The following LDLRAD3 variants were observed in gnomAD, a reference collection of about 807,000 sequenced individuals.
The protein encoded by LDLRAD3 is low-density lipoprotein receptor class A domain-containing protein 3.
LDLRAD3 carries 20 observed loss-of-function variants against 29.4 expected under a neutral mutation model. The observed-to-expected ratio is 0.68, with a 90% CI of 0.48 to 0.99. The LOEUF (loss-of-function observed/expected upper bound fraction) is 0.99, where lower values mean the gene tolerates loss of function less well. LDLRAD3 is among the 50% of genes least tolerant of loss of function. The pLI is 0.00. For missense variants in LDLRAD3, 420 were observed against 454.3 expected, an observed-to-expected ratio of 0.92 and a Z score of 0.69; for synonymous variants, 157 against 192.7, an observed-to-expected ratio of 0.81 and a Z score of 1.53.
At chr11:35,954,090 G>T (rs1565121030) in intron 1 of LDLRAD3, among the ~76,000 whole-genome samples, 1 of 152,158 alleles carries the variant, frequency 6.6e-6, no homozygotes, top group Non-Finnish European at 1.5e-5. Context: ...AAGGGCAGTG[G>T]TGACATAATA....
chr11:36,129,970 C>G (rs533248609), intron 4 of LDLRAD3, among the ~76,000 whole-genome samples: 4 of 152,182 alleles, frequency 2.6e-5, no homozygotes, highest in Non-Finnish European at 5.9e-5. Context: ...GAGGGAACTT[C>G]CGTGTTTTGT....
At chr11:36,165,779 A>C (rs926699346) in intron 4 of LDLRAD3, among the ~76,000 whole-genome samples, 2 of 149,772 alleles carry the variant, frequency 1.3e-5, no homozygotes, top group Admixed American at 6.7e-5. Flanking sequence ...GAAGAAATAT[A>C]AGACCAAATT....
At chr11:36,074,158 G>A (rs1201799942) in intron 2 of LDLRAD3, among the ~76,000 whole-genome samples, 1 of 152,216 alleles carries the variant, frequency 6.6e-6, no homozygotes, top group African/African-American at 2.4e-5. Context: ...GAGGCACATG[G>A]TGTAGGCACT....
chr11:36,058,230 G>A (rs77265919), intron 2 of LDLRAD3, among the ~76,000 whole-genome samples: 2,258 of 152,196 alleles, frequency 0.015, 65 homozygotes, highest in African/African-American at 0.052. Flanking sequence ...CTGGTGCTGT[G>A]GCACATGCCA....
chr11:36,204,808 T>C (rs1855183066), intron 4 of LDLRAD3, among the ~76,000 whole-genome samples: 3 of 152,086 alleles, frequency 2.0e-5, no homozygotes, highest in Admixed American at 2.0e-4. Flanking sequence ...TCTTTAATGG[T>C]TTCAGTTTTC....
rs1347744567 is a variant in LDLRAD3 at position 36,022,553 on chromosome 11, G to A, written c.47-13550G>A. Among the ~76,000 whole-genome samples, 3 of 152,214 alleles carry A rather than the reference G, an allele frequency of 2.0e-5. No individual in the cohort carries two copies. In the East Asian group the frequency reaches 5.8e-4, roughly 29 times the overall value. ...CAGAACAGCCCTTTGATTACCCAGG[G>A]AGACTGTCAAGTTTGCATCTGGTCA... On this transcript the variant is annotated intron_variant, in intron 1 of 5. Transcript: ENST00000315571.
At chr11:36,013,184 G>C (rs1010791015) in intron 1 of LDLRAD3, among the ~76,000 whole-genome samples, 1 of 152,090 alleles carries the variant, frequency 6.6e-6, no homozygotes, top group African/African-American at 2.4e-5. Context: ...AGGGCAGTTG[G>C]GTAATAATAC....
chr11:35,997,297 T>C, intron 1 of LDLRAD3: 1 of 410,914 alleles, frequency 2.4e-6, no homozygotes, highest in Non-Finnish European at 4.7e-6. Context: ...CTTTAGTGGT[T>C]TCAGAGAGTT....
intron 2 of LDLRAD3, among the ~76,000 whole-genome samples, chr11:36,058,225 G>A (rs10836486): frequency 6.6e-6 from 1 of 152,094 alleles, no homozygotes; most frequent in African/African-American, 2.4e-5. Flanking sequence ...ACACCCTGGT[G>A]CTGTGGCACA....
At chr11:36,180,115 C>A (rs935027168) in intron 4 of LDLRAD3, among the ~76,000 whole-genome samples, 1 of 152,176 alleles carries the variant, frequency 6.6e-6, no homozygotes, top group Non-Finnish European at 1.5e-5. Flanking sequence ...AGTTCTGCAT[C>A]CTGGTTCCAG....
chr11:36,127,833 C>T (rs2133302457), intron 4 of LDLRAD3, among the ~76,000 whole-genome samples: 1 of 152,244 alleles, frequency 6.6e-6, no homozygotes, highest in East Asian at 1.9e-4. Context: ...TGCTCTGAAT[C>T]ACTGTTTTAT....
intron 1 of LDLRAD3, among the ~76,000 whole-genome samples, chr11:36,031,008 G>A (rs1417546434): frequency 1.3e-5 from 2 of 152,138 alleles, no homozygotes; most frequent in Non-Finnish European, 2.9e-5. Context: ...TAAATTTGTG[G>A]GAGCCAGCAG....
intron 4 of LDLRAD3, among the ~76,000 whole-genome samples, chr11:36,175,199 CTTCTT>C (rs1854658115): frequency 6.6e-6 from 1 of 152,062 alleles, no homozygotes. Flanking sequence ...TTGGAGCTCT[CTTCTT>C]TTTTTTGGTT....
intron 4 of LDLRAD3, among the ~76,000 whole-genome samples, chr11:36,102,303 C>A (rs1333243605): frequency 6.6e-6 from 1 of 152,004 alleles, no homozygotes; most frequent in East Asian, 1.9e-4. Flanking sequence ...GGTGTGTAGC[C>A]CTTAAAAATA....
At chr11:35,986,478 T>C (rs1287442144) in intron 1 of LDLRAD3, among the ~76,000 whole-genome samples, 1 of 152,220 alleles carries the variant, frequency 6.6e-6, no homozygotes, top group Non-Finnish European at 1.5e-5. Flanking sequence ...GATAATGTGT[T>C]AGTCAGGGTA....
chr11:36,036,110 G>T lies in LDLRAD3; in HGVS notation c.54G>T (p.Gln18His). Residue 18 changes from glutamine (Q) to histidine (H), a missense_variant, in exon 2 of 6, where the codon CAG (glutamine) becomes CAT (histidine). Physicochemically the swap from Gln to His is conservative, Grantham distance 24 (BLOSUM62 0). Around this residue, in one of 3 missense-constraint regions of LDLRAD3, gnomAD observed 224 missense variants for 222.2 expected, o/e 1.01. Coordinates refer to ENST00000315571, the MANE Select transcript of LDLRAD3 (RefSeq NM_174902.4). ...GTCCCCTCTCTCTGACAGAGAGCCA[G>T]CTGCTCCCCGGGAACAACTTCACCA... ...CLLLSSAAES[Q>H]LLPGNNFTNE... The T allele has an allele frequency of 6.2e-7, 1 of 1,613,846 alleles. No homozygotes were observed. Among genetic ancestry groups the T allele is most frequent in the Non-Finnish European group, 8.5e-7 (1 of 1,179,858 alleles).
intron 3 of LDLRAD3, among the ~76,000 whole-genome samples, chr11:36,092,108 A>G (rs193041996): frequency 2.0e-5 from 3 of 152,184 alleles, no homozygotes; most frequent in East Asian, 3.9e-4. Context: ...ACAGGAATCT[A>G]TCTGAGACGT....
intron 2 of LDLRAD3, among the ~76,000 whole-genome samples, chr11:36,060,592 A>G (rs923878928): frequency 3.3e-5 from 5 of 151,990 alleles, no homozygotes; most frequent in Non-Finnish European, 7.4e-5. Context: ...TCTGGGTTCA[A>G]ATTTTGTAAC....
In LDLRAD3 at chr11:35,969,800, G is replaced by A. The variant is rs567185034; in HGVS notation, c.46+25656G>A. Reference sequence around the variant, plus strand: ...TATTGGCAGAACCAGCTCCTCCAGGGAGGAGGCATGTGGGGCCCACGTGCA... The same window carrying A: ...TATTGGCAGAACCAGCTCCTCCAGGAAGGAGGCATGTGGGGCCCACGTGCA... On this transcript the variant is annotated intron_variant, in intron 1 of 5. Coordinates refer to ENST00000315571, the MANE Select transcript of LDLRAD3 (RefSeq NM_174902.4). 4.7e-3 allele frequency among the ~76,000 whole-genome samples: 715 copies of A among 152,340 alleles called. 1 individual carries two copies. The highest frequency in any genetic ancestry group is 6.7e-3 in the Non-Finnish European group (458 of 68,032).
Sources: gnomAD v4.1 joint callset for allele counts (sites outside exome capture counted in the v4.1 genomes callset) on GRCh38, gnomAD v4.1.1 for gene constraint, gnomAD v4.1.1 regional missense constraint, MANE v1.5 for transcripts, NCBI Gene and HGNC (gene_info 2026-07-23, HGNC 2026-07-21) for gene names.